The following BRD10 variants were observed in gnomAD, a reference collection of about 807,000 sequenced individuals.
The protein encoded by BRD10 is bromodomain containing 10, also known as uncharacterized bromodomain-containing protein 10.
the BRD10 span, among the ~76,000 whole-genome samples, chr9:5,960,783 T>C: frequency 6.6e-6 from 1 of 152,148 alleles, no homozygotes; most frequent in Non-Finnish European, 1.5e-5. Context: ...ACACAATCTA[T>C]AATAGTATAT....
At chr9:5,951,724 TGA>T in the BRD10 span, among the ~76,000 whole-genome samples, 1 of 152,208 alleles carries the variant, frequency 6.6e-6, no homozygotes, top group East Asian at 1.9e-4. Context: ...AAAATTATTT[TGA>T]GAGACAAAAC....
the BRD10 span, among the ~76,000 whole-genome samples, chr9:5,994,160 T>C: frequency 6.6e-6 from 1 of 152,200 alleles, no homozygotes; most frequent in South Asian, 2.1e-4. Flanking sequence ...AAAAACTTTT[T>C]ATACCATCAA....
At chr9:6,004,080 T>C in the BRD10 span, among the ~76,000 whole-genome samples, 2 of 152,222 alleles carry the variant, frequency 1.3e-5, no homozygotes, top group Non-Finnish European at 2.9e-5. Flanking sequence ...AAAAGTTCAG[T>C]AGTAATATTC....
the BRD10 span, among the ~76,000 whole-genome samples, chr9:5,932,493 A>C: frequency 6.6e-6 from 1 of 152,224 alleles, no homozygotes; most frequent in South Asian, 2.1e-4. Flanking sequence ...TTCCCTAGAC[A>C]ATATAGTATA....
chr9:5,886,906 T>G, the BRD10 span, among the ~76,000 whole-genome samples: 1 of 152,052 alleles, frequency 6.6e-6, no homozygotes, highest in African/African-American at 2.4e-5. Flanking sequence ...TGCAAACCAC[T>G]CAAAGACCCA....
the BRD10 span, among the ~76,000 whole-genome samples, chr9:5,969,710 A>G: frequency 6.6e-6 from 1 of 152,048 alleles, no homozygotes; most frequent in Non-Finnish European, 1.5e-5. Flanking sequence ...CACCCAGCTA[A>G]CATTTTGTAT....
chr9:5,916,263 A>G, the BRD10 span, among the ~76,000 whole-genome samples: 1 of 152,168 alleles, frequency 6.6e-6, no homozygotes, highest in East Asian at 1.9e-4. Context: ...AATTTCTTAG[A>G]TCTCTTTCAG....
the BRD10 span, among the ~76,000 whole-genome samples, chr9:5,933,523 C>T: frequency 1.4e-4 from 21 of 152,302 alleles, no homozygotes; most frequent in East Asian, 3.9e-3. Context: ...CTACCAAACA[C>T]TGGAGGTTTT....
chr9:5,944,425 T>A, the BRD10 span, among the ~76,000 whole-genome samples: 1 of 152,102 alleles, frequency 6.6e-6, no homozygotes, highest in East Asian at 1.9e-4. Context: ...CTTTAAAAAG[T>A]CATATTGTTA....
the BRD10 span, among the ~76,000 whole-genome samples, chr9:5,888,922 C>A: frequency 6.6e-6 from 1 of 152,112 alleles, no homozygotes; most frequent in Admixed American, 6.5e-5. Context: ...TTGTGATGTA[C>A]AATGAAAAGT....
the BRD10 span, among the ~76,000 whole-genome samples, chr9:5,998,040 A>G: frequency 6.6e-6 from 1 of 152,214 alleles, no homozygotes; most frequent in East Asian, 1.9e-4. Context: ...TCAATGAAAA[A>G]TGCTATTTTT....
chr9:5,988,761 A>T, the BRD10 span, among the ~76,000 whole-genome samples: 22 of 152,370 alleles, frequency 1.4e-4, no homozygotes, highest in Non-Finnish European at 3.1e-4. Context: ...CATTAAAAAA[A>T]AAAATCTGAG....
chr9:5,950,947 A>G, the BRD10 span, among the ~76,000 whole-genome samples: 2 of 152,022 alleles, frequency 1.3e-5, no homozygotes, highest in Non-Finnish European at 2.9e-5. Flanking sequence ...AAATCAGTAC[A>G]TGTTTAGTAC....
At chr9:5,993,023 A>G in the BRD10 span, among the ~76,000 whole-genome samples, 1 of 152,146 alleles carries the variant, frequency 6.6e-6, no homozygotes, top group Non-Finnish European at 1.5e-5. Context: ...GTTTAAAAAT[A>G]TTCTAAATGA....
the BRD10 span, among the ~76,000 whole-genome samples, chr9:5,998,684 T>TA: frequency 1.3e-5 from 2 of 152,188 alleles, no homozygotes; most frequent in South Asian, 4.1e-4. Flanking sequence ...AAATTGTTAG[T>TA]AAAAAATTAA....
chr9:5,987,374 T>A, the BRD10 span, among the ~76,000 whole-genome samples: 4 of 152,150 alleles, frequency 2.6e-5, no homozygotes, highest in African/African-American at 9.7e-5. Flanking sequence ...ACTACAGCCT[T>A]CTTCGTACAA....
At chr9:5,922,217 G>A in the BRD10 span, 1 of 1,613,972 alleles carries the variant, frequency 6.2e-7, no homozygotes, top group Non-Finnish European at 8.5e-7. Context: ...AGAAGAATCA[G>A]CAGTCTGTTG....
At chr9:6,003,590 T>C in the BRD10 span, among the ~76,000 whole-genome samples, 1 of 152,124 alleles carries the variant, frequency 6.6e-6, no homozygotes. Context: ...GTATTTTTGA[T>C]ACTAAAAATT....
At chr9:5,893,405 C>A in the BRD10 span, among the ~76,000 whole-genome samples, 1 of 152,198 alleles carries the variant, frequency 6.6e-6, no homozygotes, top group African/African-American at 2.4e-5. Flanking sequence ...TTGGAAAGAG[C>A]TGTTGAACAA....
Sources: allele counts gnomAD v4.1 joint callset (sites outside exome capture counted in the v4.1 genomes callset), GRCh38; gene constraint gnomAD v4.1.1; transcripts MANE v1.5; gene names NCBI Gene and HGNC (gene_info 2026-07-23, HGNC 2026-07-21).